The following STAC variants were observed in gnomAD, a reference collection of about 807,000 sequenced individuals.
The protein encoded by STAC is SH3 and cysteine-rich domain-containing protein.
Under a neutral mutation model 48.8 loss-of-function variants are expected in STAC, and 43 were observed. That is an observed-to-expected ratio of 0.88 (90% confidence interval 0.69 to 1.14). The LOEUF (loss-of-function observed/expected upper bound fraction) is 1.14. STAC is among the 50% of genes most tolerant of loss of function. The pLI is 0.00. For synonymous variants in STAC, 193 were observed against 179.5 expected (o/e 1.07, Z -0.60); for missense variants, 497 against 504.0 (o/e 0.99, Z 0.13).
chr3:36,463,664 C>G (rs1697082866), intron 2 of STAC, among the ~76,000 whole-genome samples: 1 of 103,874 alleles, frequency 9.6e-6, no homozygotes, highest in South Asian at 4.4e-4. Context: ...TCCCTCCCCC[C>G]TCCCCCCACC....
chr3:36,422,119 T>C (rs1423538881), intron 1 of STAC, among the ~76,000 whole-genome samples: 1 of 152,032 alleles, frequency 6.6e-6, no homozygotes, highest in South Asian at 2.1e-4. Flanking sequence ...TTTATGTTAA[T>C]TTATTTCTAA....
At chr3:36,491,956 T>C (rs150954484) in intron 5 of STAC, among the ~76,000 whole-genome samples, 209 of 127,910 alleles carry the variant, frequency 1.6e-3, no homozygotes, top group African/African-American at 6.2e-3. Flanking sequence ...GGAGCTGAGA[T>C]TGCACCACTG....
At chr3:36,468,941 AAT>A (rs1697252344) in intron 2 of STAC, among the ~76,000 whole-genome samples, 1 of 151,894 alleles carries the variant, frequency 6.6e-6, no homozygotes, top group Non-Finnish European at 1.5e-5. Context: ...TTGCATGTAA[AAT>A]CTTTTTCCAC....
intron 2 of STAC, among the ~76,000 whole-genome samples, chr3:36,471,462 G>A (rs927391242): frequency 6.6e-6 from 1 of 152,184 alleles, no homozygotes; most frequent in East Asian, 1.9e-4. Context: ...GTCCCCCAAA[G>A]TCTTCACTCA....
At chr3:36,450,629 G>A (rs560722399) in intron 2 of STAC, among the ~76,000 whole-genome samples, 11 of 152,262 alleles carry the variant, frequency 7.2e-5, no homozygotes, top group East Asian at 5.8e-4. Flanking sequence ...AGGTTCAAGC[G>A]ATTCTCCTGC....
At chr3:36,412,319 G>A (rs1347998923) in intron 1 of STAC, among the ~76,000 whole-genome samples, 1 of 152,160 alleles carries the variant, frequency 6.6e-6, no homozygotes, top group Non-Finnish European at 1.5e-5. Flanking sequence ...TATTAGGAAA[G>A]CAAAACTCTC....
intron 6 of STAC, among the ~76,000 whole-genome samples, chr3:36,499,953 G>A (rs1698243091): frequency 6.6e-6 from 1 of 151,948 alleles, no homozygotes; most frequent in African/African-American, 2.4e-5. Flanking sequence ...TTATTTACAT[G>A]GTCATGTTCA....
intron 1 of STAC, among the ~76,000 whole-genome samples, chr3:36,398,877 T>C (rs780160590): frequency 6.6e-6 from 1 of 152,104 alleles, no homozygotes; most frequent in South Asian, 2.1e-4. Context: ...CACCTCTAGT[T>C]GAGGTCTCTA....
intron 10 of STAC, among the ~76,000 whole-genome samples, chr3:36,530,582 T>TA (rs1699038834): frequency 7.2e-6 from 1 of 139,626 alleles, no homozygotes; most frequent in African/African-American, 2.5e-5. Context: ...CACCTTTTCT[T>TA]TTTTTTTTTT....
intron 8 of STAC, among the ~76,000 whole-genome samples, chr3:36,526,564 C>CTG (rs2125730314): frequency 6.6e-6 from 1 of 152,268 alleles, no homozygotes; most frequent in East Asian, 1.9e-4. Context: ...ACACCCAGGC[C>CTG]TGTGAGTGAG....
rs1274222666 is a variant in STAC, at chr3:36,465,374, T to C, written c.389-17618T>C. 3.3e-5 allele frequency among the ~76,000 whole-genome samples: 5 copies of C among 152,162 alleles called. No homozygotes were observed. The East Asian group carries it at 9.6e-4, about 29-fold the overall frequency. On this transcript the variant is annotated intron_variant, in intron 2 of 10. Coordinates refer to ENST00000273183, the MANE Select transcript of STAC (RefSeq NM_003149.3). ...CTGGATATTAGTCCTTTGTTGGAGG[T>C]ATACATTGTGAAGATTTTCTCCCAT... is the stretch of plus-strand genomic sequence containing the variant.
chr3:36,453,006 G>A (rs1696727879), intron 2 of STAC, among the ~76,000 whole-genome samples: 1 of 152,198 alleles, frequency 6.6e-6, no homozygotes, highest in Admixed American at 6.5e-5. Flanking sequence ...ATGTCCTAAA[G>A]CCAAATTGCT....
intron 2 of STAC, among the ~76,000 whole-genome samples, chr3:36,449,006 C>A (rs140713328): frequency 6.6e-6 from 1 of 151,892 alleles, no homozygotes; most frequent in African/African-American, 2.4e-5. Context: ...GTAGTCTCAG[C>A]TATTCAGGAG....
At chr3:36,437,944 T>TTATTATTAC (rs1298409560) in intron 1 of STAC, among the ~76,000 whole-genome samples, 6 of 148,254 alleles carry the variant, frequency 4.0e-5, no homozygotes, top group Non-Finnish European at 8.9e-5. Flanking sequence ...ATTATTATTA[T>TTATTATTAC]TATTATTATT....
chr3:36,471,001 G>T (rs555872061), intron 2 of STAC, among the ~76,000 whole-genome samples: 1 of 152,180 alleles, frequency 6.6e-6, no homozygotes, highest in African/African-American at 2.4e-5. Context: ...GTTGTTTATA[G>T]TGGAGAGTAG....
chr3:36,477,078 T>C (rs1428259176), intron 2 of STAC, among the ~76,000 whole-genome samples: 2 of 152,236 alleles, frequency 1.3e-5, no homozygotes, highest in East Asian at 1.9e-4. Flanking sequence ...TTTCTATATA[T>C]GTAGTTACAG....
chr3:36,537,130 T>C (rs528423499), intron 10 of STAC, among the ~76,000 whole-genome samples: 83 of 152,322 alleles, frequency 5.4e-4, no homozygotes, highest in Admixed American at 1.6e-3. Context: ...TGGAAGATAG[T>C]GTGGCAATTT....
chr3:36,389,445 A>AT (rs1699704609), intron 1 of STAC, among the ~76,000 whole-genome samples: 1 of 152,080 alleles, frequency 6.6e-6, no homozygotes, highest in Non-Finnish European at 1.5e-5. Flanking sequence ...TCACCTCCCA[A>AT]AGCCCTCGCC....
intron 8 of STAC, among the ~76,000 whole-genome samples, chr3:36,523,965 C>T (rs1698866134): frequency 6.6e-6 from 1 of 152,152 alleles, no homozygotes; most frequent in Non-Finnish European, 1.5e-5. Flanking sequence ...AAGGGCAACA[C>T]AGAAGGTTGC....
Sources: allele counts gnomAD v4.1 joint callset (sites outside exome capture counted in the v4.1 genomes callset), GRCh38; gene constraint gnomAD v4.1.1; transcripts MANE v1.5; gene names NCBI Gene and HGNC (gene_info 2026-07-23, HGNC 2026-07-21).